Variants in EPHA7 observed in about 807,000 individuals in gnomAD.
The protein encoded by EPHA7 is EPH receptor A7, also known as ephrin type-A receptor 7.
A neutral mutation model predicts 112.6 loss-of-function variants in EPHA7; 25 were observed. The ratio of observed to expected loss-of-function variants is 0.22; its 90% CI spans 0.16 to 0.31. The LOEUF (loss-of-function observed/expected upper bound fraction) is 0.31. EPHA7 is among the 10% of genes least tolerant of loss of function. The probability of loss-of-function intolerance (pLI) is 1.00; values close to 1 mark genes in which losing one functional copy is unlikely to be tolerated. For synonymous variants in EPHA7, 437 were observed against 406.5 expected, an observed-to-expected ratio of 1.07 and a Z score of -0.90; for missense variants, 962 against 1,212.6, an observed-to-expected ratio of 0.79 and a Z score of 3.07.
intron 5 of EPHA7, among the ~76,000 whole-genome samples, chr6:93,294,385 G>A (rs1036414313): frequency 5.3e-5 from 8 of 151,990 alleles, no homozygotes; most frequent in South Asian, 2.1e-4. Flanking sequence ...TGACTATTAC[G>A]GTTAAAATGT....
At chr6:93,366,216 G>T (rs1237055562) in intron 3 of EPHA7, among the ~76,000 whole-genome samples, 3 of 152,258 alleles carry the variant, frequency 2.0e-5, no homozygotes, top group African/African-American at 7.2e-5. Context: ...ATACGAGCCT[G>T]TGTTGAAGAG....
At chr6:93,411,764 A>G (rs953060836) in intron 2 of EPHA7, among the ~76,000 whole-genome samples, 1 of 152,172 alleles carries the variant, frequency 6.6e-6, no homozygotes, top group Non-Finnish European at 1.5e-5. Context: ...GTTATATATA[A>G]TATCACATAC....
intron 3 of EPHA7, among the ~76,000 whole-genome samples, chr6:93,393,647 T>A (rs369613165): frequency 6.6e-6 from 1 of 151,816 alleles, no homozygotes; most frequent in East Asian, 1.9e-4. Context: ...GGGTAGAAAC[T>A]TACTTGACAG....
chr6:93,380,723 C>T (rs944747761), intron 3 of EPHA7, among the ~76,000 whole-genome samples: 1 of 152,052 alleles, frequency 6.6e-6, no homozygotes, highest in African/African-American at 2.4e-5. Flanking sequence ...CAGAACCTCA[C>T]AGTAGATTAA....
chr6:93,389,560 T>C (rs577750074), intron 3 of EPHA7, among the ~76,000 whole-genome samples: 4 of 152,128 alleles, frequency 2.6e-5, no homozygotes, highest in East Asian at 3.9e-4. Flanking sequence ...GGAATACTTA[T>C]TTACGCATTA....
chr6:93,303,469 A>C (rs1773097230), intron 5 of EPHA7, among the ~76,000 whole-genome samples: 1 of 152,128 alleles, frequency 6.6e-6, no homozygotes, highest in South Asian at 2.1e-4. Context: ...TAATAGTAAG[A>C]AGTGCTAAAG....
intron 5 of EPHA7, among the ~76,000 whole-genome samples, chr6:93,347,355 A>C (rs1775452334): frequency 6.6e-6 from 1 of 151,878 alleles, no homozygotes; most frequent in Non-Finnish European, 1.5e-5. Context: ...CCTGTCTTGG[A>C]CATTGAAAAT....
intron 5 of EPHA7, among the ~76,000 whole-genome samples, chr6:93,303,742 C>T (rs1023569907): frequency 1.3e-5 from 2 of 152,014 alleles, no homozygotes; most frequent in African/African-American, 4.8e-5. Context: ...ATTTATGATG[C>T]TATAAAATGA....
chr6:93,334,923 A>AT (rs201337419), intron 5 of EPHA7, among the ~76,000 whole-genome samples: 13 of 151,932 alleles, frequency 8.6e-5, no homozygotes, highest in East Asian at 7.7e-4. Context: ...ATTAGAATTG[A>AT]TTTTTTTTCC....
At chr6:93,372,194 G>C (rs1304553839) in intron 3 of EPHA7, among the ~76,000 whole-genome samples, 1 of 152,114 alleles carries the variant, frequency 6.6e-6, no homozygotes, top group Non-Finnish European at 1.5e-5. Context: ...ACATTTGTGA[G>C]TGGATGAACA....
chr6:93,327,009 G>T (rs1774354982), intron 5 of EPHA7, among the ~76,000 whole-genome samples: 2 of 151,478 alleles, frequency 1.3e-5, no homozygotes, highest in South Asian at 4.1e-4. Context: ...ACATTTGTAT[G>T]ACGGTTAATC....
intron 5 of EPHA7, among the ~76,000 whole-genome samples, chr6:93,354,325 G>C (rs975484854): frequency 2.0e-5 from 3 of 151,930 alleles, no homozygotes; most frequent in African/African-American, 7.2e-5. Context: ...TTCTCTGTTA[G>C]AAAAAGTTAA....
intron 3 of EPHA7, among the ~76,000 whole-genome samples, chr6:93,375,641 A>AC (rs1289159557): frequency 6.6e-6 from 1 of 151,854 alleles, no homozygotes; most frequent in Non-Finnish European, 1.5e-5. Flanking sequence ...TAAAAAAAAA[A>AC]AACAAACTCC....
Position 93,244,935 on chromosome 6 carries a change from C to T in EPHA7, c.2882+363G>A, listed in dbSNP as rs58747475. Among the ~76,000 whole-genome samples, 956 of 152,220 alleles carry T rather than the reference C, an allele frequency of 6.3e-3. 11 individuals are homozygous for T. The highest frequency in any genetic ancestry group is 0.021 in the African/African-American group (881 of 41,528). ...ATCTAAATAATACAGAAGTTAACTACAGAGGAAGCCTCACTGGATGGTGTT... is the reference window on the plus strand; with the variant it reads ...ATCTAAATAATACAGAAGTTAACTATAGAGGAAGCCTCACTGGATGGTGTT... On this transcript the variant is annotated intron_variant, in intron 16 of 16. Transcript: ENST00000369303.
Position 93,272,441 on chromosome 6 carries a change from T to C in EPHA7, c.1325-19A>G. On this transcript the variant is annotated intron_variant, in intron 5 of 16. Coordinates refer to ENST00000369303, the MANE Select transcript of EPHA7 (RefSeq NM_004440.4). The stretch of plus-strand genomic sequence containing the variant: ...GAGGGAGCTGTTTGGACAAGATGTG[T>C]CAATAAACAATGAGAAAATTCACTG... 1 of 1,610,620 alleles carries C rather than the reference T, an allele frequency of 6.2e-7. No homozygotes were observed. The highest frequency in any genetic ancestry group is 8.5e-7 in the Non-Finnish European group (1 of 1,177,736).
chr6:93,334,987 C>T (rs979607409), intron 5 of EPHA7, among the ~76,000 whole-genome samples: 7 of 151,944 alleles, frequency 4.6e-5, no homozygotes, highest in Non-Finnish European at 8.8e-5. Context: ...AAATAAATAA[C>T]CTAGAAGGCA....
chr6:93,283,046 A>G (rs1771847445), intron 5 of EPHA7, among the ~76,000 whole-genome samples: 2 of 152,216 alleles, frequency 1.3e-5, no homozygotes. Context: ...TGCGGGATCC[A>G]TTGGGTGAAG....
intron 7 of EPHA7, among the ~76,000 whole-genome samples, chr6:93,267,482 AG>A (rs997546534): frequency 6.6e-6 from 1 of 151,688 alleles, no homozygotes; most frequent in African/African-American, 2.4e-5. Context: ...TATGTTGATC[AG>A]TGTGAAGTAT....
At chr6:93,331,974 A>G (rs912260274) in intron 5 of EPHA7, among the ~76,000 whole-genome samples, 7 of 151,538 alleles carry the variant, frequency 4.6e-5, no homozygotes, top group Non-Finnish European at 7.4e-5. Flanking sequence ...ATATTAATCT[A>G]TTTTCTCAGA....
Sources: gnomAD v4.1 joint callset for allele counts (sites outside exome capture counted in the v4.1 genomes callset) on GRCh38, gnomAD v4.1.1 for gene constraint, MANE v1.5 for transcripts, NCBI Gene and HGNC (gene_info 2026-07-23, HGNC 2026-07-21) for gene names.